Variants in SSC5D observed in about 807,000 individuals in gnomAD.
SSC5D encodes the protein scavenger receptor cysteine rich family member with 5 domains.
SSC5D carries 106 observed loss-of-function variants against 104.6 expected under a neutral mutation model. The observed-to-expected ratio is 1.01, with a 90% CI of 0.87 to 1.19. The LOEUF (loss-of-function observed/expected upper bound fraction) is 1.19, where lower values mean the gene tolerates loss of function less well. Among genes scored for constraint, SSC5D ranks in the 50% most tolerant of loss-of-function variants. SSC5D has a pLI of 0.00. For missense variants in SSC5D, 1,993 were observed against 2,153.8 expected (o/e 0.93, Z 1.48); for synonymous variants, 860 against 883.5 (o/e 0.97, Z 0.47).
Position 55,488,994 on chromosome 19 carries a change from C to A in SSC5D, c.26-12C>A. On this transcript the variant is annotated splice_polypyrimidine_tract_variant and intron_variant, in intron 1 of 13. Transcript: ENST00000389623. ...CCCCTCACACTGCCCCACCCTCCGC[C>A]CTCCCTTCCAGCGGCCCTGGTGGGG... The A allele has an allele frequency of 7.0e-7, 1 of 1,429,398 alleles. No homozygotes were observed. The highest frequency in any genetic ancestry group is 1.3e-5 in the South Asian group (1 of 76,654). 88.5% of individuals were successfully genotyped at this position (1,429,398 alleles called of 1,614,324 possible).
At position 55,518,922 on chromosome 19, in the gene SSC5D, C is replaced by T. The variant is rs1197823184; in HGVS notation, c.4646C>T (p.Ala1549Val). The T allele has an allele frequency of 2.6e-6, 4 of 1,550,316 alleles. No homozygotes were observed. The highest frequency in any genetic ancestry group is 1.2e-5 in the South Asian group (1 of 84,060). ...GEAVKRLAEM[A>V]WTTSMPAPTT... ...GCTGTGAAGAGACTGGCAGAGATGG[C>T]CTGGACCACCAGCATGCCTGCACCA... Residue 1549 changes from alanine to valine, a missense_variant, in exon 14 of 14, where the codon GCC (alanine) becomes GTC (valine). Physicochemically the swap from Ala to Val is moderately conservative, Grantham distance 64. Coordinates refer to ENST00000389623, the MANE Select transcript of SSC5D (RefSeq NM_001144950.2).
chr19:55,509,459 A>G (rs1251285235), intron 12 of SSC5D, among the ~76,000 whole-genome samples: 1 of 152,224 alleles, frequency 6.6e-6, no homozygotes, highest in African/African-American at 2.4e-5. Context: ...AGTAACCGAA[A>G]TGCCCATCAA....
intron 2 of SSC5D, 146 bp from the exon 3 acceptor site, chr19:55,489,208 C>A: frequency 9.3e-7 from 1 of 1,069,842 alleles, no homozygotes; most frequent in Non-Finnish European, 1.3e-6. Context: ...CTCTGAGCAC[C>A]CAGGAGTCTG....
At chr19:55,499,534 G>A (rs1284070027) in intron 9 of SSC5D, among the ~76,000 whole-genome samples, 1 of 152,200 alleles carries the variant, frequency 6.6e-6, no homozygotes, top group Non-Finnish European at 1.5e-5. Context: ...AGGAGATGGA[G>A]AGGAGAGGTC....
At chr19:55,488,800 C>G (rs1373052050) in intron 1 of SSC5D, among the ~76,000 whole-genome samples, 186 bp downstream of exon 1, 1 of 35,044 alleles carries the variant, frequency 2.9e-5, no homozygotes, top group Non-Finnish European at 6.1e-5. Context: ...GCCCAAGGGA[C>G]CTGCCCCCTG....
intron 13 of SSC5D, among the ~76,000 whole-genome samples, chr19:55,514,361 C>T (rs1485540989): frequency 2.0e-5 from 3 of 150,036 alleles, no homozygotes; most frequent in Non-Finnish European, 3.0e-5. Context: ...GCCGAGATTG[C>T]GCCACTGCAC....
chr19:55,497,386 G>A (rs960512699), intron 8 of SSC5D, among the ~76,000 whole-genome samples: 4 of 152,178 alleles, frequency 2.6e-5, no homozygotes, highest in African/African-American at 9.7e-5. Context: ...GAAAATTAAG[G>A]GTGGTGAACA....
chr19:55,494,275 G>A (rs574963593), intron 7 of SSC5D, among the ~76,000 whole-genome samples: 37 of 152,286 alleles, frequency 2.4e-4, no homozygotes, highest in African/African-American at 8.7e-4. Context: ...CAGAGGCGAG[G>A]ATGAGCCTCA....
At position 55,489,616 on chromosome 19, in the gene SSC5D, G is replaced by A. The variant is rs1319495785; in HGVS notation, c.315G>A (p.Lys105=). Residue 105 remains lysine (K), a synonymous_variant, in exon 3 of 14, where the codon AAG becomes AAA. Transcript: ENST00000389623. ...GCCTCTGCCACCACCGGGGCTGGAA[G>A]GCCCACATCTGCTCCCACGAGGAGG... ...QLGLCHHRGW[K]AHICSHEEDA... is the part of the protein sequence containing the mutation. 1.3e-6 allele frequency: 2 copies of A among 1,531,464 alleles called. No individual in the cohort carries two copies. The highest frequency in any genetic ancestry group is 1.7e-6 in the Non-Finnish European group (2 of 1,144,336). 94.9% of individuals were successfully genotyped at this position (1,531,464 alleles called of 1,614,324 possible). A position where few individuals can be genotyped will look rare whatever the true frequency, so the allele number is the denominator to read the frequency against.
chr19:55,516,496 CAA>C (rs1202935374), intron 13 of SSC5D, among the ~76,000 whole-genome samples: 15 of 122,010 alleles, frequency 1.2e-4, no homozygotes, highest in Admixed American at 1.7e-4. Context: ...GACTCCATCT[CAA>C]AAAAAAAAAA....
chr19:55,513,080 C>A lies in SSC5D; in HGVS notation c.2855C>A (p.Thr952Asn), dbSNP rs1224875818. Residue 952 changes from threonine (T) to asparagine (N), a missense_variant, in exon 13 of 14, where the codon ACC becomes AAC. By Grantham distance (65) the Thr-to-Asn change is moderately conservative. Transcript: ENST00000389623. ...TPSGRGLAEG[T>N]PTAGKLGPTL... ...TCAGGAAGGGGCCTGGCTGAGGGGACCCCTACCGCAGGCAAACTAGGACCA... is the reference window on the plus strand; with the variant it reads ...TCAGGAAGGGGCCTGGCTGAGGGGAACCCTACCGCAGGCAAACTAGGACCA... 2.6e-6 allele frequency: 4 copies of A among 1,551,112 alleles called. No individual in the cohort carries two copies. Among genetic ancestry groups the A allele is most frequent in the East Asian group, 4.9e-5 (2 of 40,912 alleles).
At position 55,500,184 on chromosome 19, in the gene SSC5D, T is replaced by C. The variant is rs1219107968; in HGVS notation, c.2074T>C (p.Trp692Arg). ...GCCGACCACGGAGGCCCCCCAGAGATGGACCTCTCACACCACTGCCACGCT... is the reference window on the plus strand; with the variant it reads ...GCCGACCACGGAGGCCCCCCAGAGACGGACCTCTCACACCACTGCCACGCT... ...RRPTTEAPQR[W>R]TSHTTATLTP... is the part of the protein sequence containing the mutation. The change falls in exon 10 of 14, where the codon TGG becomes CGG. Residue 692 changes from tryptophan (W) to arginine (R), a missense_variant. Transcript: ENST00000389623. This position sits in a 1 kb window ranked among gnomAD's most constrained non-coding sequence, Gnocchi z 4.6. The C allele has an allele frequency of 3.2e-6, 5 of 1,550,692 alleles. No homozygotes were observed. The highest frequency in any genetic ancestry group is 1.4e-5 in the African/African-American group (1 of 72,744).
chr19:55,495,928 A>C (rs1987316269), intron 8 of SSC5D, among the ~76,000 whole-genome samples: 1 of 114,760 alleles, frequency 8.7e-6, no homozygotes, highest in African/African-American at 3.6e-5. Context: ...TTTTTTGTAG[A>C]GACAGGGCCT....
chr19:55,512,996 C>G lies in SSC5D; in HGVS notation c.2786-15C>G. ...GAAGTTGGAAGACTCAATCCTCTTC[C>G]CCATATCTCTCTAGGCAGCAAAGAT... On this transcript the variant is annotated splice_polypyrimidine_tract_variant and intron_variant, in intron 12 of 13. Transcript: ENST00000389623. 1 of 1,551,878 alleles carries G rather than the reference C, an allele frequency of 6.4e-7. No individual in the cohort carries two copies. Among genetic ancestry groups the G allele is most frequent in the South Asian group, 1.2e-5 (1 of 84,050 alleles).
chr19:55,517,139 C>A, intron 13 of SSC5D, 85 bp from the exon 14 acceptor site: 1 of 1,278,206 alleles, frequency 7.8e-7, no homozygotes, highest in South Asian at 1.4e-5. Flanking sequence ...TTCCATTGGT[C>A]GGCTCCTCGA....
chr19:55,516,680 T>C (rs1379591285), intron 13 of SSC5D, among the ~76,000 whole-genome samples: 1 of 152,028 alleles, frequency 6.6e-6, no homozygotes, highest in Non-Finnish European at 1.5e-5. Flanking sequence ...GAGTTCGAGG[T>C]TACAGTGAGC....
In SSC5D at chr19:55,493,805, A is replaced by G. The variant is rs1402819515; in HGVS notation, c.1106A>G (p.Asp369Gly). 6.5e-7 allele frequency: 1 copy of G among 1,548,476 alleles called. No homozygotes were observed. The highest frequency in any genetic ancestry group is 8.7e-7 in the Non-Finnish European group (1 of 1,146,436). Reference protein sequence around the residue: ...FGEGSGPIILDDLRCRGNETA... With the variant: ...FGEGSGPIILGDLRCRGNETA... ...GAGGGGTCTGGACCCATCATCCTGG[A>G]CGACCTTCGGTGTCGGGGAAACGAG... The change falls in exon 7 of 14, where the codon GAC becomes GGC. Residue 369 changes from aspartate (D) to glycine (G), a missense_variant. Asp to Gly is a moderately conservative substitution (Grantham distance 94). Coordinates refer to ENST00000389623, the MANE Select transcript of SSC5D (RefSeq NM_001144950.2).
rs1390105984 is a variant in SSC5D at position 55,517,606 on chromosome 19, C to T, written c.3330C>T (p.Ser1110=). The change falls in exon 14 of 14, where the codon AGC becomes AGT. Residue 1110 remains serine (S), a synonymous_variant. Transcript: ENST00000389623. ...CTTCTACACCGTCGGAGGTGACCAG[C>T]CTTTCCCCTACCTCAGAGCAGGTCC... ...SDPSTPSEVT[S]LSPTSEQVPE... is the part of the protein sequence containing the mutation. 1 of 1,551,792 alleles carries T rather than the reference C, an allele frequency of 6.4e-7. No individual in the cohort carries two copies. The highest frequency in any genetic ancestry group is 2.0e-5 in the Admixed American group (1 of 50,976).
In SSC5D at chr19:55,500,332, C is replaced by T; in HGVS notation, c.2222C>T (p.Ser741Phe). The T allele has an allele frequency of 6.4e-7, 1 of 1,551,630 alleles. No homozygotes were observed. Residue 741 changes from serine to phenylalanine, a missense_variant, in exon 10 of 14, where the codon TCT becomes TTT. Ser to Phe is a radical substitution (Grantham distance 155, BLOSUM62 -2). This residue lies in a region of SSC5D where 1,101 missense variants were observed against 1,085.0 expected (regional missense o/e 1.01). Coordinates refer to ENST00000389623, the MANE Select transcript of SSC5D (RefSeq NM_001144950.2). This position sits in a 1 kb window ranked among gnomAD's most constrained non-coding sequence, Gnocchi z 4.6. ...KSIPQASLEP[S>F]AEIPEGSPES... ...ATCCCTCAGGCCTCCCTGGAGCCAT[C>T]TGCTGAGATCCCAGAAGGGTCTCCA...
Sources: gnomAD v4.1 joint callset for allele counts (sites outside exome capture counted in the v4.1 genomes callset) on GRCh38, gnomAD v4.1.1 for gene constraint, gnomAD v4.1.1 regional missense constraint, Gnocchi (gnomAD v3.1) non-coding constraint, MANE v1.5 for transcripts, NCBI Gene and HGNC (gene_info 2026-07-23, HGNC 2026-07-21) for gene names.